RGS12: variants seen among roughly 807,000 people sequenced by gnomAD.
RGS12 encodes the protein regulator of G protein signaling 12.
Under a neutral mutation model 120.1 loss-of-function variants are expected in RGS12, and 66 were observed. The observed-to-expected ratio is 0.55, with a 90% CI of 0.45 to 0.67. RGS12 has a LOEUF of 0.67. Among genes scored for constraint, RGS12 ranks in the 30% least tolerant of loss-of-function variants. RGS12 has a pLI of 0.00. For missense variants in RGS12, 1,859 were observed against 1,957.7 expected, an observed-to-expected ratio of 0.95 and a Z score of 0.95; for synonymous variants, 827 against 804.7, an observed-to-expected ratio of 1.03 and a Z score of -0.47.
rs542747636 is a variant in RGS12, at chr4:3,356,105, G to C, written c.1998+13052G>C. 1.1e-3 allele frequency among the ~76,000 whole-genome samples: 156 copies of C among 145,704 alleles called. 2 individuals carry two copies. Among genetic ancestry groups the C allele is most frequent in the African/African-American group, 3.9e-3 (152 of 38,986 alleles). On this transcript the variant is annotated intron_variant, in intron 3 of 17. Coordinates refer to ENST00000336727, the MANE Select transcript of RGS12 (RefSeq NM_001394154.1). Reference sequence around the variant, plus strand: ...TTCTTGCTCTGTCACCCATGCTGGAGTGCAGTGGTGTAATCTTGGCTCACT... The same window carrying C: ...TTCTTGCTCTGTCACCCATGCTGGACTGCAGTGGTGTAATCTTGGCTCACT...
chr4:3,403,885 G>T (rs990692050), intron 4 of RGS12, among the ~76,000 whole-genome samples: 3 of 152,194 alleles, frequency 2.0e-5, no homozygotes, highest in African/African-American at 7.2e-5. Context: ...ACCCAAAGGG[G>T]GCTATTGACG....
chr4:3,417,554 G>A lies in RGS12; in HGVS notation c.2761+13G>A, dbSNP rs749533908. The A allele has an allele frequency of 1.2e-4, 187 of 1,611,400 alleles. 1 individual carries two copies. Among genetic ancestry groups the A allele is most frequent in the Middle Eastern group, 1.6e-4 (1 of 6,080 alleles). ...GACCACGCAGACGGTTTGTGGGGTG[G>A]CTCCTGGGCTGTGGTGTCCAGGCCA... is the stretch of plus-strand genomic sequence containing the variant. On this transcript the variant is annotated intron_variant, in intron 9 of 17. Coordinates refer to ENST00000336727, the MANE Select transcript of RGS12 (RefSeq NM_001394154.1).
At chr4:3,416,181 C>CCCG in intron 7 of RGS12, 60 bp downstream of exon 7, 1 of 1,584,014 alleles carries the variant, frequency 6.3e-7, no homozygotes, top group South Asian at 1.1e-5. Context: ...GTATAGGGTC[C>CCCG]ACCTTCAAAG....
chr4:3,386,493 G>A (rs1040230706), intron 4 of RGS12, 56 bp downstream of exon 4: 1 of 1,491,448 alleles, frequency 6.7e-7, no homozygotes, highest in East Asian at 2.3e-5. Context: ...TTTTCAAATT[G>A]TGAAAGTGTA....
intron 1 of RGS12, among the ~76,000 whole-genome samples, chr4:3,313,272 A>G (rs1724521853): frequency 6.6e-6 from 1 of 152,200 alleles, no homozygotes; most frequent in African/African-American, 2.4e-5. Flanking sequence ...GGCAGCATCT[A>G]TTCCTGTTTG....
intron 3 of RGS12, among the ~76,000 whole-genome samples, chr4:3,346,658 T>C (rs1713822878): frequency 6.6e-6 from 1 of 152,200 alleles, no homozygotes; most frequent in South Asian, 2.1e-4. Flanking sequence ...TTGGAAACAG[T>C]GCACAGGGCT....
At position 3,293,036 on chromosome 4, in the gene RGS12, C is replaced by G. The variant is rs867158850; in HGVS notation, c.-165C>G. On this transcript the variant is annotated 5_prime_UTR_variant, in exon 1 of 18. Coordinates refer to ENST00000336727, the MANE Select transcript of RGS12 (RefSeq NM_001394154.1). The stretch of plus-strand genomic sequence containing the variant: ...GGGGGGCGGTGGCTGCCGAGGCGAC[C>G]GTTGCGCGCGCGGGCGGTGGCGCGG... 1 of 148,032 alleles carries G rather than the reference C, an allele frequency of 6.8e-6. No individual in the cohort carries two copies. Among genetic ancestry groups the G allele is most frequent in the Non-Finnish European group, 1.5e-5 (1 of 66,386 alleles). 9.2% of individuals were successfully genotyped at this position (148,032 alleles called of 1,614,324 possible). A position where few individuals can be genotyped will look rare whatever the true frequency, so the allele number is the denominator to read the frequency against.
At chr4:3,348,623 T>G (rs963654760) in intron 3 of RGS12, among the ~76,000 whole-genome samples, 5 of 152,134 alleles carry the variant, frequency 3.3e-5, no homozygotes, top group African/African-American at 4.8e-5. Flanking sequence ...AGTTTTCTGG[T>G]TCCATGGAAC....
At chr4:3,420,922 C>T (rs1722951294) in intron 10 of RGS12, among the ~76,000 whole-genome samples, 1 of 152,248 alleles carries the variant, frequency 6.6e-6, no homozygotes. Context: ...GCCTCATGGT[C>T]CCCCAGCCTA....
intron 2 of RGS12, among the ~76,000 whole-genome samples, chr4:3,336,787 G>A (rs1712525030): frequency 6.6e-6 from 1 of 152,212 alleles, no homozygotes; most frequent in Admixed American, 6.5e-5. Flanking sequence ...GCAACCCACA[G>A]AATGGGAGAA....
chr4:3,398,407 A>G (rs1720260071), intron 4 of RGS12, among the ~76,000 whole-genome samples: 1 of 152,214 alleles, frequency 6.6e-6, no homozygotes, highest in African/African-American at 2.4e-5. Flanking sequence ...CTGAGGCAGG[A>G]GGCTCACTTG....
intron 1 of RGS12, among the ~76,000 whole-genome samples, chr4:3,312,078 GACTT>G (rs1452618904): frequency 6.6e-6 from 1 of 152,184 alleles, no homozygotes; most frequent in African/African-American, 2.4e-5. Context: ...CCTTGCCCCA[GACTT>G]ACTAAGTCAG....
chr4:3,435,270 C>G (rs891675459), intron 17 of RGS12, among the ~76,000 whole-genome samples: 1 of 152,140 alleles, frequency 6.6e-6, no homozygotes, highest in African/African-American at 2.4e-5. Flanking sequence ...GAAAGTACCC[C>G]CCATGGCATG....
chr4:3,435,389 G>T (rs550337025), intron 17 of RGS12, among the ~76,000 whole-genome samples: 10 of 152,108 alleles, frequency 6.6e-5, no homozygotes, highest in Admixed American at 1.3e-4. Context: ...AGCAGATGCA[G>T]CTTAGACCCC....
intron 3 of RGS12, among the ~76,000 whole-genome samples, chr4:3,351,440 C>A (rs1353450686): frequency 6.6e-6 from 1 of 151,972 alleles, no homozygotes; most frequent in Admixed American, 6.6e-5. Context: ...TTAGCTTTTT[C>A]ATCACCCTAA....
chr4:3,314,735 C>G (rs1391285175), intron 1 of RGS12: 1 of 152,220 alleles, frequency 6.6e-6, no homozygotes, highest in African/African-American at 2.4e-5. Flanking sequence ...AAAACATACC[C>G]TCTATTCTAT....
chr4:3,375,060 C>T (rs568809585), intron 3 of RGS12, among the ~76,000 whole-genome samples: 8 of 152,284 alleles, frequency 5.3e-5, no homozygotes, highest in African/African-American at 1.9e-4. Flanking sequence ...CCGTAACCAA[C>T]CCATGGGTAT....
rs539583279 is a variant in RGS12, at chr4:3,320,551, G to A, written c.1881+2500G>A. Reference sequence around the variant, plus strand: ...GCATGTGAGTGCTGGGACCAAGACAGCCCTGGCGCTCCGTGTGGGATTTGG... The same window carrying A: ...GCATGTGAGTGCTGGGACCAAGACAACCCTGGCGCTCCGTGTGGGATTTGG... On this transcript the variant is annotated intron_variant, in intron 2 of 17. Transcript: ENST00000336727. Among the ~76,000 whole-genome samples, 23 of 152,378 alleles carry A rather than the reference G, an allele frequency of 1.5e-4. 1 individual carries two copies. The highest frequency in any genetic ancestry group is 5.3e-4 in the African/African-American group (22 of 41,586).
intron 3 of RGS12, among the ~76,000 whole-genome samples, chr4:3,371,347 C>T (rs778084945): frequency 5.3e-5 from 8 of 152,132 alleles, no homozygotes; most frequent in Non-Finnish European, 8.8e-5. Flanking sequence ...TATCCTGCGT[C>T]GGAAAGTGAA....
Sources: gnomAD v4.1 joint callset for allele counts (sites outside exome capture counted in the v4.1 genomes callset) on GRCh38, gnomAD v4.1.1 for gene constraint, MANE v1.5 for transcripts, NCBI Gene and HGNC (gene_info 2026-07-23, HGNC 2026-07-21) for gene names.